Variants in ZNF385D observed in about 807,000 individuals in gnomAD.
ZNF385D encodes the protein zinc finger protein 385D.
A neutral mutation model predicts 35.8 loss-of-function variants in ZNF385D; 15 were observed. The ratio of observed to expected loss-of-function variants is 0.42; its 90% CI spans 0.28 to 0.64. The LOEUF is 0.64. Among genes scored for constraint, ZNF385D ranks in the 30% least tolerant of loss-of-function variants. ZNF385D has a pLI of 0.23. For synonymous variants in ZNF385D, 212 were observed against 186.8 expected, an observed-to-expected ratio of 1.13 and a Z score of -1.10; for missense variants, 474 against 494.6, an observed-to-expected ratio of 0.96 and a Z score of 0.39.
chr3:21,564,531 A>G, intron 3 of ZNF385D, 43 bp downstream of exon 3: 1 of 1,224,100 alleles, frequency 8.2e-7, no homozygotes, highest in Non-Finnish European at 1.1e-6. Flanking sequence ...GAACAGCAAA[A>G]TGTATTTTTT....
intron 3 of ZNF385D, among the ~76,000 whole-genome samples, chr3:22,094,425 A>G (rs1701508077): frequency 2.6e-5 from 2 of 77,106 alleles, no homozygotes; most frequent in South Asian, 1.0e-3. Flanking sequence ...CATTTGTGTC[A>G]TATGAGTCCT....
At chr3:22,259,488 T>TA (rs1016834060) in intron 2 of ZNF385D, among the ~76,000 whole-genome samples, 12 of 151,954 alleles carry the variant, frequency 7.9e-5, no homozygotes, top group Admixed American at 2.6e-4. Context: ...GCAAGTAGTT[T>TA]AGCCTACAAG....
intron 3 of ZNF385D, among the ~76,000 whole-genome samples, chr3:21,935,161 C>T (rs1418853603): frequency 6.6e-6 from 1 of 152,066 alleles, no homozygotes; most frequent in African/African-American, 2.4e-5. Context: ...GAAAGAGAGG[C>T]TGTGGAGGAG....
At chr3:21,851,461 T>G (rs751334017) in intron 3 of ZNF385D, among the ~76,000 whole-genome samples, 11 of 152,050 alleles carry the variant, frequency 7.2e-5, no homozygotes, top group Non-Finnish European at 1.3e-4. Flanking sequence ...AAACAAAAAC[T>G]TGTACATGAA....
intron 4 of ZNF385D, among the ~76,000 whole-genome samples, chr3:21,456,591 T>TG (rs1166324627): frequency 6.6e-6 from 1 of 151,644 alleles, no homozygotes; most frequent in Non-Finnish European, 1.5e-5. Context: ...TGTTGTGGGG[T>TG]GGGGGGAGTA....
At chr3:21,676,712 T>C (rs1277488954) in intron 1 of ZNF385D, among the ~76,000 whole-genome samples, 2 of 152,106 alleles carry the variant, frequency 1.3e-5, no homozygotes, top group Non-Finnish European at 2.9e-5. Flanking sequence ...AAGATCATCT[T>C]ACTCAAGATA....
chr3:21,556,934 A>G (rs561921670), intron 3 of ZNF385D, among the ~76,000 whole-genome samples: 29 of 152,256 alleles, frequency 1.9e-4, no homozygotes, highest in African/African-American at 5.1e-4. Context: ...CTTTGTAGCA[A>G]TTGTGAATAG....
At chr3:21,722,854 T>C (rs1388283349) in intron 1 of ZNF385D, among the ~76,000 whole-genome samples, 3 of 152,230 alleles carry the variant, frequency 2.0e-5, no homozygotes, top group Non-Finnish European at 4.4e-5. Flanking sequence ...CCACCGGATT[T>C]TTCTGTCTTC....
intron 2 of ZNF385D, among the ~76,000 whole-genome samples, chr3:22,352,566 C>A (rs1305696945): frequency 6.6e-6 from 1 of 152,178 alleles, no homozygotes. Flanking sequence ...CATACCCTAA[C>A]ACATTTTTAG....
chr3:22,271,357 C>CT (rs1213325785), intron 2 of ZNF385D, among the ~76,000 whole-genome samples: 1 of 151,840 alleles, frequency 6.6e-6, no homozygotes, highest in Non-Finnish European at 1.5e-5. Flanking sequence ...TCTATACAGA[C>CT]TTTTTTATTC....
chr3:21,553,917 A>G (rs1304386238), intron 3 of ZNF385D, among the ~76,000 whole-genome samples: 1 of 152,198 alleles, frequency 6.6e-6, no homozygotes, highest in Non-Finnish European at 1.5e-5. Flanking sequence ...ACTTTTAATT[A>G]TACTTCTCTT....
rs79606052 is a variant in ZNF385D at position 22,161,806 on chromosome 3, G to T, written c.325+7011C>A. On this transcript the variant is annotated intron_variant, in intron 3 of 5. Transcript: ENST00000494108. ...TGCTGTAATAATATAAGTGATTTAA[G>T]AATGACATAAACTCAATAACATAAG... 1.6e-3 allele frequency among the ~76,000 whole-genome samples: 251 copies of T among 152,252 alleles called. 2 individuals carry two copies. The highest frequency in any genetic ancestry group is 5.8e-3 in the African/African-American group (240 of 41,542).
chr3:21,469,248 T>C (rs561219533), intron 4 of ZNF385D, among the ~76,000 whole-genome samples: 1 of 152,290 alleles, frequency 6.6e-6, no homozygotes, highest in South Asian at 2.1e-4. Context: ...AAATGGAACA[T>C]GAGAGGAGGC....
chr3:21,943,241 C>T (rs1223809627), intron 3 of ZNF385D, among the ~76,000 whole-genome samples: 2 of 151,442 alleles, frequency 1.3e-5, no homozygotes, highest in Admixed American at 6.6e-5. Context: ...CTAGTAAATA[C>T]TAAATGGATA....
At position 21,829,702 on chromosome 3, in the gene ZNF385D, T is replaced by C. The variant is rs945565980; in HGVS notation, c.326-164674A>G. 2.0e-5 allele frequency among the ~76,000 whole-genome samples: 3 copies of C among 151,988 alleles called. No homozygotes were observed. The East Asian group carries it at 5.9e-4, about 30-fold the overall frequency. ...CAGTAGCCCAGGTAGGTTAATGGTG[T>C]CATGAATTAGGCTTTCCATGTGGGA... On this transcript the variant is annotated intron_variant, in intron 3 of 5. Transcript: ENST00000494108.
chr3:21,501,557 A>G (rs1224798165), intron 4 of ZNF385D, among the ~76,000 whole-genome samples: 1 of 152,222 alleles, frequency 6.6e-6, no homozygotes, highest in Non-Finnish European at 1.5e-5. Context: ...TTACTATTAA[A>G]TATCAACCCG....
chr3:21,714,927 C>T (rs1426797332), intron 1 of ZNF385D, among the ~76,000 whole-genome samples: 2 of 152,178 alleles, frequency 1.3e-5, no homozygotes. Flanking sequence ...TATACATCAT[C>T]TCACATAGTT....
intron 2 of ZNF385D, among the ~76,000 whole-genome samples, chr3:22,349,560 T>C (rs1695821492): frequency 6.6e-6 from 1 of 152,170 alleles, no homozygotes; most frequent in Admixed American, 6.5e-5. Flanking sequence ...CAATTGAACA[T>C]ACTTTGTAAA....
intron 2 of ZNF385D, among the ~76,000 whole-genome samples, chr3:21,654,344 G>A (rs904650959): frequency 2.0e-5 from 3 of 151,994 alleles, no homozygotes; most frequent in Non-Finnish European, 4.4e-5. Context: ...AAGGCAAAAT[G>A]CAAGTTATCT....
Sources: gnomAD v4.1 joint callset for allele counts (sites outside exome capture counted in the v4.1 genomes callset) on GRCh38, gnomAD v4.1.1 for gene constraint, MANE v1.5 for transcripts, NCBI Gene and HGNC (gene_info 2026-07-23, HGNC 2026-07-21) for gene names.